ANKRD17: variants seen among roughly 807,000 people sequenced by gnomAD.
ANKRD17 encodes ankyrin repeat domain 17, also known as ankyrin repeat domain-containing protein 17.
In ANKRD17, 19 loss-of-function variants were observed where a neutral mutation model predicts 229.7. That is an observed-to-expected ratio of 0.08 (90% CI 0.06 to 0.12). ANKRD17 has a LOEUF of 0.12. Among genes scored for constraint, ANKRD17 ranks in the 10% least tolerant of loss-of-function variants. The pLI, the probability that ANKRD17 is intolerant of heterozygous loss-of-function variation, is 1.00. For missense variants in ANKRD17, 2,176 were observed against 3,176.8 expected (o/e 0.68, Z 7.57); for synonymous variants, 1,112 against 1,146.1 (o/e 0.97, Z 0.60).
chr4:73,081,123 T>C (rs1721517330), intron 30 of ANKRD17, among the ~76,000 whole-genome samples: 1 of 152,208 alleles, frequency 6.6e-6, no homozygotes, highest in Non-Finnish European at 1.5e-5. Context: ...CAAGTTTTAT[T>C]TTAGGCTAGT....
chr4:73,084,293 G>A (rs1167971194), intron 30 of ANKRD17, among the ~76,000 whole-genome samples: 4 of 152,042 alleles, frequency 2.6e-5, no homozygotes, highest in South Asian at 2.1e-4. Flanking sequence ...TGGGAGAATC[G>A]CTTGAGCCAT....
At chr4:73,106,263 AAAT>A (rs1019002569) in intron 24 of ANKRD17, among the ~76,000 whole-genome samples, 7 of 152,080 alleles carry the variant, frequency 4.6e-5, no homozygotes, top group Non-Finnish European at 8.8e-5. Context: ...AAATAAATAA[AAAT>A]AACTTCACTG....
intron 3 of ANKRD17, among the ~76,000 whole-genome samples, chr4:73,158,621 T>G (rs1050404158): frequency 6.6e-6 from 1 of 152,242 alleles, no homozygotes. Context: ...AAAACTCATG[T>G]GAAATTTAAC....
intron 24 of ANKRD17, among the ~76,000 whole-genome samples, chr4:73,109,815 G>A (rs1444247197): frequency 6.6e-6 from 1 of 152,040 alleles, no homozygotes; most frequent in Non-Finnish European, 1.5e-5. Flanking sequence ...AAGAAACAAT[G>A]AAAGGGTAGT....
chr4:73,255,289 A>AT (rs1745360326), intron 1 of ANKRD17, among the ~76,000 whole-genome samples: 1 of 152,216 alleles, frequency 6.6e-6, no homozygotes, highest in Non-Finnish European at 1.5e-5. Context: ...CTTTTGGCAG[A>AT]TACAGAGATT....
chr4:73,160,329 C>T (rs1240795142), intron 3 of ANKRD17, among the ~76,000 whole-genome samples: 3 of 151,786 alleles, frequency 2.0e-5, no homozygotes, highest in African/African-American at 7.3e-5. Context: ...AGCGATTCTC[C>T]CGCCTCAGCC....
At chr4:73,202,318 T>TAAAAAAAAAA (rs10533861) in intron 1 of ANKRD17, among the ~76,000 whole-genome samples, 9 of 21,940 alleles carry the variant, frequency 4.1e-4, no homozygotes, top group Admixed American at 8.7e-4. Flanking sequence ...GGAACAGGAT[T>TAAAAAAAAAA]AAAAAAAAAA....
intron 1 of ANKRD17, among the ~76,000 whole-genome samples, chr4:73,203,093 A>G (rs1738894285): frequency 6.6e-6 from 1 of 152,246 alleles, no homozygotes; most frequent in Non-Finnish European, 1.5e-5. Context: ...AGAATTTATA[A>G]TAGCAAATAT....
rs1475613013 is a variant in ANKRD17, at chr4:73,135,254, T to C, written c.3097A>G (p.Arg1033Gly). Reference sequence around the variant, plus strand: ...GGAGTGTTTGACATTGCAGATGCTCTTCCACTGACTGCTGTTGAACAAAAT... The same window carrying C: ...GGAGTGTTTGACATTGCAGATGCTCCTCCACTGACTGCTGTTGAACAAAAT... Reference protein sequence around the residue: ...LDDIMAAVSGRASAMSNTPTH... With the variant: ...LDDIMAAVSGGASAMSNTPTH... Residue 1033 changes from arginine to glycine, a missense_variant, in exon 16 of 34, where the codon AGA becomes GGA. Coordinates refer to ENST00000358602, the MANE Select transcript of ANKRD17 (RefSeq NM_032217.5). 1.2e-6 allele frequency: 2 copies of C among 1,611,612 alleles called. No homozygotes were observed. The highest frequency in any genetic ancestry group is 8.5e-7 in the Non-Finnish European group (1 of 1,178,598).
intron 1 of ANKRD17, among the ~76,000 whole-genome samples, chr4:73,252,966 T>C (rs991338115): frequency 2.0e-5 from 3 of 152,198 alleles, no homozygotes; most frequent in Admixed American, 6.5e-5. Context: ...GCGTCTCCCC[T>C]TATACAAGCC....
At chr4:73,171,682 T>A (rs549832745) in intron 2 of ANKRD17, among the ~76,000 whole-genome samples, 1 of 152,110 alleles carries the variant, frequency 6.6e-6, no homozygotes, top group Admixed American at 6.5e-5. Flanking sequence ...AGAGAAGGAA[T>A]TCAGAATTCT....
At chr4:73,225,397 C>T (rs1217451699) in intron 1 of ANKRD17, among the ~76,000 whole-genome samples, 1 of 152,172 alleles carries the variant, frequency 6.6e-6, no homozygotes, top group East Asian at 1.9e-4. Flanking sequence ...TTCACTCTCC[C>T]CTTCTCTTCC....
At chr4:73,193,677 A>C (rs1737438838) in intron 1 of ANKRD17, among the ~76,000 whole-genome samples, 1 of 152,130 alleles carries the variant, frequency 6.6e-6, no homozygotes, top group Admixed American at 6.5e-5. Context: ...TCACATCTGC[A>C]ATTGGAGCAC....
chr4:73,142,409 GA>G (rs1560585831), intron 12 of ANKRD17, 24 bp from the exon 13 acceptor site: 2 of 1,583,162 alleles, frequency 1.3e-6, no homozygotes, highest in South Asian at 1.2e-5. Flanking sequence ...TATGGAAGGG[GA>G]AAAAAAGTGA....
intron 24 of ANKRD17, chr4:73,113,094 C>G: frequency 8.4e-7 from 1 of 1,183,926 alleles, no homozygotes; most frequent in Non-Finnish European, 1.1e-6. Context: ...AGCCACTGAC[C>G]TTTTTATAAA....
intron 18 of ANKRD17, among the ~76,000 whole-genome samples, chr4:73,123,870 G>A (rs72861843): frequency 6.6e-6 from 1 of 152,026 alleles, no homozygotes; most frequent in African/African-American, 2.4e-5. Context: ...TCACTCGTCA[G>A]AATACCTTTA....
At chr4:73,153,518 T>C (rs139216972) in intron 6 of ANKRD17, among the ~76,000 whole-genome samples, 300 of 152,230 alleles carry the variant, frequency 2.0e-3, no homozygotes, top group African/African-American at 6.9e-3. Flanking sequence ...AGGAGGGCAT[T>C]TTCTGTACTA....
chr4:73,115,770 G>A (rs760033396), intron 23 of ANKRD17, 51 bp downstream of exon 23: 2 of 1,375,240 alleles, frequency 1.5e-6, no homozygotes, highest in Non-Finnish European at 2.0e-6. Flanking sequence ...TAGAATGGAA[G>A]ATATATTAAC....
At chr4:73,216,510 A>G (rs1741069919) in intron 1 of ANKRD17, among the ~76,000 whole-genome samples, 1 of 152,184 alleles carries the variant, frequency 6.6e-6, no homozygotes. Context: ...AGGATAGAAG[A>G]TGAGGGTTAA....
Sources: gnomAD v4.1 joint callset for allele counts (sites outside exome capture counted in the v4.1 genomes callset) on GRCh38, gnomAD v4.1.1 for gene constraint, MANE v1.5 for transcripts, NCBI Gene and HGNC (gene_info 2026-07-23, HGNC 2026-07-21) for gene names.